METAP2: variants seen among roughly 807,000 people sequenced by gnomAD.
METAP2 encodes methionine aminopeptidase 2.
METAP2 carries 25 observed loss-of-function variants against 59.4 expected under a neutral mutation model. The observed-to-expected ratio is 0.42, with a 90% confidence interval of 0.31 to 0.59. METAP2 has a LOEUF of 0.59. Among genes scored for constraint, METAP2 ranks in the 20% least tolerant of loss-of-function variants. The probability of loss-of-function intolerance (pLI) is 0.16; values close to 1 mark genes in which losing one functional copy is unlikely to be tolerated. For missense variants in METAP2, 366 were observed against 581.2 expected, an observed-to-expected ratio of 0.63 and a Z score of 3.81; for synonymous variants, 214 against 194.1, an observed-to-expected ratio of 1.10 and a Z score of -0.85.
At chr12:95,490,057 G>A (rs2076225558) in intron 4 of METAP2, among the ~76,000 whole-genome samples, 1 of 151,604 alleles carries the variant, frequency 6.6e-6, no homozygotes, top group Non-Finnish European at 1.5e-5. Flanking sequence ...TAAGGCAAAT[G>A]TGAAAAATGT....
intron 4 of METAP2, 137 bp from the exon 5 acceptor site, chr12:95,493,919 A>G: frequency 1.5e-6 from 1 of 689,174 alleles, no homozygotes; most frequent in South Asian, 4.0e-5. Flanking sequence ...GGCTTTTTGT[A>G]TTTCAGAAAC....
At chr12:95,482,783 C>A (rs1358764566) in intron 2 of METAP2, among the ~76,000 whole-genome samples, 1 of 152,098 alleles carries the variant, frequency 6.6e-6, no homozygotes, top group African/African-American at 2.4e-5. Flanking sequence ...CAGAGCTAGA[C>A]CCTGTTTCAA....
chr12:95,492,132 T>TTGTGTGTGTGTGTGTGTG (rs61423721), intron 4 of METAP2, among the ~76,000 whole-genome samples: 81 of 149,424 alleles, frequency 5.4e-4, no homozygotes, highest in African/African-American at 1.9e-3. Flanking sequence ...ATATGTGTGT[T>TTGTGTGTGTGTGTGTGTG]TGTGTGTGTG....
chr12:95,511,593 T>C (rs1441874830), intron 8 of METAP2, among the ~76,000 whole-genome samples: 1 of 152,078 alleles, frequency 6.6e-6, no homozygotes, highest in Non-Finnish European at 1.5e-5. Context: ...GGTTTCGCCA[T>C]GTTGGTCAGG....
chr12:95,501,102 A>C (rs2076312008), intron 7 of METAP2, among the ~76,000 whole-genome samples: 2 of 144,970 alleles, frequency 1.4e-5, no homozygotes, highest in South Asian at 4.3e-4. Flanking sequence ...GCCTTGACCT[A>C]CTGGGCTCAA....
intron 8 of METAP2, among the ~76,000 whole-genome samples, chr12:95,507,252 T>TA (rs1178305505): frequency 2.6e-5 from 4 of 152,374 alleles, no homozygotes; most frequent in East Asian, 1.9e-4. Flanking sequence ...AATTGTGTGA[T>TA]AGTGCCTGGA....
intron 3 of METAP2, 82 bp from the exon 4 acceptor site, chr12:95,485,797 C>A: frequency 2.3e-6 from 2 of 883,994 alleles, no homozygotes; most frequent in Non-Finnish European, 3.3e-6. Context: ...CATATAACAA[C>A]CATTAGGAAC....
rs868060906 is a variant in METAP2, at chr12:95,494,136, G to A, written c.509G>A (p.Arg170Gln). ...QASEEIWNDF[R>Q]EAAEAHRQVR... is the part of the protein sequence containing the mutation. ...AGTGAAGAGATTTGGAATGATTTTC[G>A]AGAAGCTGCAGAAGCACATCGACAA... The change falls in exon 5 of 11, where the codon CGA becomes CAA. Residue 170 changes from arginine to glutamine, a missense_variant. This residue lies in a region of METAP2 where 106 missense variants were observed against 221.9 expected (regional missense o/e 0.48). Transcript: ENST00000323666. 2 of 1,613,996 alleles carry A rather than the reference G, an allele frequency of 1.2e-6. No individual in the cohort carries two copies. Among genetic ancestry groups the A allele is most frequent in the Non-Finnish European group, 1.7e-6 (2 of 1,179,952 alleles).
At position 95,476,074 on chromosome 12, in the gene METAP2, G is replaced by T; in HGVS notation, c.155G>T (p.Gly52Val). The T allele has an allele frequency of 1.9e-6, 3 of 1,597,254 alleles. No homozygotes were observed. The highest frequency in any genetic ancestry group is 2.6e-6 in the Non-Finnish European group (3 of 1,169,366). ...TCTGCTATTTTATTTTGATCAGCAG[G>T]GGAACAGGAACCTGATAAAGAATCA... ...KKKSKGPSAAGEQEPDKESGA... is the reference protein window; with the variant it reads ...KKKSKGPSAAVEQEPDKESGA... Residue 52 changes from glycine (G) to valine (V), a missense_variant, in exon 2 of 11, where the codon GGG becomes GTG. Physicochemically the swap from Gly to Val is moderately radical, Grantham distance 109. This residue lies in a region of METAP2 where 177 missense variants were observed against 180.3 expected (regional missense o/e 0.98). Transcript: ENST00000323666.
intron 8 of METAP2, among the ~76,000 whole-genome samples, chr12:95,510,654 A>G (rs1302019697): frequency 6.6e-6 from 1 of 152,194 alleles, no homozygotes; most frequent in Non-Finnish European, 1.5e-5. Context: ...CCATAGCAGC[A>G]ATACACTGCT....
At chr12:95,483,318 A>G in intron 3 of METAP2, 38 bp downstream of exon 3, 1 of 1,519,300 alleles carries the variant, frequency 6.6e-7, no homozygotes, top group Non-Finnish European at 9.1e-7. Flanking sequence ...ATATATTAGA[A>G]GTGTTTATTC....
intron 5 of METAP2, 148 bp from the exon 6 acceptor site, chr12:95,494,805 GTTAT>G (rs1432222593): frequency 5.7e-6 from 3 of 530,632 alleles, no homozygotes; most frequent in Non-Finnish European, 9.7e-6. Flanking sequence ...TCAGAGAACT[GTTAT>G]TTATTTATAT....
In METAP2 at chr12:95,497,060, AGT is replaced by A. The variant is rs548691868; in HGVS notation, c.867+964_867+965del. Among the ~76,000 whole-genome samples, 10 of 152,144 alleles carry A rather than the reference AGT, an allele frequency of 6.6e-5. No homozygotes were observed. In the South Asian group the frequency reaches 1.5e-3, roughly 22 times the overall value. Reference sequence around the variant, plus strand: ...GGCTGGTCTCAAACTCCTGATCTCAAGTGATCCTCCCGCCTTGGCCTCCCAAA... The same window carrying A: ...GGCTGGTCTCAAACTCCTGATCTCAAGATCCTCCCGCCTTGGCCTCCCAAA... On this transcript the variant is annotated intron_variant, in intron 7 of 10. Transcript: ENST00000323666.
At chr12:95,503,692 G>A (rs2076333765) in intron 7 of METAP2, among the ~76,000 whole-genome samples, 1 of 152,204 alleles carries the variant, frequency 6.6e-6, no homozygotes. Context: ...AGGAACACGA[G>A]CCAACCATGA....
intron 4 of METAP2, among the ~76,000 whole-genome samples, chr12:95,486,481 A>G (rs1417021624): frequency 1.3e-5 from 2 of 151,736 alleles, no homozygotes; most frequent in Admixed American, 1.3e-4. Context: ...GTTTTCATGG[A>G]AACAGTTTTT....
intron 4 of METAP2, among the ~76,000 whole-genome samples, chr12:95,488,998 G>C (rs1430252410): frequency 6.6e-6 from 1 of 151,952 alleles, no homozygotes; most frequent in Non-Finnish European, 1.5e-5. Context: ...CAATGTCATG[G>C]GATGTTTTTG....
intron 2 of METAP2, among the ~76,000 whole-genome samples, chr12:95,480,715 T>C (rs901621653): frequency 6.6e-6 from 1 of 152,270 alleles, no homozygotes; most frequent in African/African-American, 2.4e-5. Context: ...TGTCATCCTA[T>C]TGAATTGTAA....
intron 4 of METAP2, among the ~76,000 whole-genome samples, chr12:95,487,126 G>A (rs997143641): frequency 1.3e-5 from 2 of 152,164 alleles, no homozygotes; most frequent in Non-Finnish European, 2.9e-5. Flanking sequence ...TAGATGCATA[G>A]TGAACATAAA....
At chr12:95,493,810 G>A (rs1003539897) in intron 4 of METAP2, among the ~76,000 whole-genome samples, 1 of 152,208 alleles carries the variant, frequency 6.6e-6, no homozygotes, top group African/African-American at 2.4e-5. Context: ...CAGGGTATTA[G>A]TTCCTCTGAC....
Sources: gnomAD v4.1 joint callset for allele counts (sites outside exome capture counted in the v4.1 genomes callset) on GRCh38, gnomAD v4.1.1 for gene constraint, gnomAD v4.1.1 regional missense constraint, MANE v1.5 for transcripts, NCBI Gene and HGNC (gene_info 2026-07-23, HGNC 2026-07-21) for gene names.